LRRC7: variants seen among roughly 807,000 people sequenced by gnomAD.
LRRC7 encodes leucine rich repeat containing 7, also known as leucine-rich repeat-containing protein 7.
Under a neutral mutation model 175.7 loss-of-function variants are expected in LRRC7, and 23 were observed. The ratio of observed to expected loss-of-function variants is 0.13; its 90% CI spans 0.09 to 0.19. The LOEUF is 0.19. Ranked by LOEUF, LRRC7 falls within the 10% of genes least tolerant of loss-of-function variation. The pLI is 1.00. For synonymous variants in LRRC7, 685 were observed against 680.9 expected (o/e 1.01, Z -0.09); for missense variants, 1,354 against 1,904.7 (o/e 0.71, Z 5.38).
chr1:69,690,476 A>C (rs2100653546), intron 2 of LRRC7, among the ~76,000 whole-genome samples: 1 of 152,358 alleles, frequency 6.6e-6, no homozygotes, highest in South Asian at 2.1e-4. Context: ...CATATTTTTG[A>C]CAAAGGTTAG....
At chr1:69,617,547 TAAAAAAAAAAA>T (rs11473590) in intron 1 of LRRC7, among the ~76,000 whole-genome samples, 2 of 62,008 alleles carry the variant, frequency 3.2e-5, no homozygotes, top group South Asian at 7.6e-4. Context: ...ATACTCACAG[TAAAAAAAAAAA>T]AAAAAAAAAA....
chr1:69,914,820 T>G (rs999290585), intron 7 of LRRC7, among the ~76,000 whole-genome samples: 1 of 152,136 alleles, frequency 6.6e-6, no homozygotes, highest in African/African-American at 2.4e-5. Flanking sequence ...TCGTGTAATA[T>G]AACAATGGTA....
intron 4 of LRRC7, among the ~76,000 whole-genome samples, chr1:69,796,855 G>A (rs1343101435): frequency 6.6e-6 from 1 of 151,610 alleles, no homozygotes; most frequent in South Asian, 2.1e-4. Flanking sequence ...ATTTACTCTA[G>A]GAAACTTCCC....
chr1:69,917,650 C>T (rs1646761639), intron 7 of LRRC7, among the ~76,000 whole-genome samples: 1 of 152,018 alleles, frequency 6.6e-6, no homozygotes, highest in African/African-American at 2.4e-5. Flanking sequence ...AAGATAGTCC[C>T]CCACAACAAA....
intron 13 of LRRC7, among the ~76,000 whole-genome samples, chr1:70,015,196 C>T (rs1349105155): frequency 2.0e-5 from 3 of 151,772 alleles, no homozygotes; most frequent in Non-Finnish European, 4.4e-5. Context: ...ATCAGTTATT[C>T]TTTATATTCA....
chr1:69,919,397 G>C, intron 7 of LRRC7: 1 of 666,856 alleles, frequency 1.5e-6, no homozygotes, highest in Non-Finnish European at 2.6e-6. Context: ...TGGGAAAAGC[G>C]CATGAGCCGC....
intron 7 of LRRC7, among the ~76,000 whole-genome samples, chr1:69,882,091 A>G (rs1686678959): frequency 6.6e-6 from 1 of 152,038 alleles, no homozygotes; most frequent in African/African-American, 2.4e-5. Context: ...CATTTTTCCA[A>G]AGAAGACTTA....
chr1:69,937,153 G>A (rs1211563446), intron 8 of LRRC7, among the ~76,000 whole-genome samples: 1 of 151,932 alleles, frequency 6.6e-6, no homozygotes, highest in Non-Finnish European at 1.5e-5. Context: ...TTGTTTTCTT[G>A]CACCTCAATT....
At chr1:70,111,958 T>C (rs1003519249) in intron 26 of LRRC7, among the ~76,000 whole-genome samples, 1 of 152,202 alleles carries the variant, frequency 6.6e-6, no homozygotes, top group Non-Finnish European at 1.5e-5. Context: ...AGGTACTTAA[T>C]TGAAGATAAT....
chr1:70,046,858 C>A (rs1375993727), intron 22 of LRRC7, among the ~76,000 whole-genome samples: 1 of 152,088 alleles, frequency 6.6e-6, no homozygotes, highest in South Asian at 2.1e-4. Context: ...GAGTCAAACT[C>A]TCTTTAAAAT....
At chr1:69,662,184 A>G (rs1260684657) in intron 1 of LRRC7, among the ~76,000 whole-genome samples, 3 of 152,200 alleles carry the variant, frequency 2.0e-5, no homozygotes, top group Non-Finnish European at 4.4e-5. Context: ...AGGATAAATA[A>G]TATATGTAAA....
chr1:69,925,675 T>C (rs12144031), intron 7 of LRRC7, among the ~76,000 whole-genome samples: 62 of 152,204 alleles, frequency 4.1e-4, no homozygotes, highest in Non-Finnish European at 7.5e-4. Flanking sequence ...TTGCGTCTAT[T>C]TGATTCTTCT....
At chr1:69,856,766 G>A (rs1238591628) in intron 7 of LRRC7, among the ~76,000 whole-genome samples, 3 of 152,070 alleles carry the variant, frequency 2.0e-5, no homozygotes, top group Non-Finnish European at 4.4e-5. Context: ...CGTTTTATGA[G>A]GCCAGCATCA....
chr1:69,573,471 T>G (rs1645820201), intron 1 of LRRC7, among the ~76,000 whole-genome samples: 1 of 152,164 alleles, frequency 6.6e-6, no homozygotes, highest in African/African-American at 2.4e-5. Flanking sequence ...CTTATTATCT[T>G]GGAATAATTC....
chr1:69,961,065 T>A (rs186129892), intron 8 of LRRC7, among the ~76,000 whole-genome samples: 7 of 152,242 alleles, frequency 4.6e-5, no homozygotes, highest in Non-Finnish European at 8.8e-5. Context: ...GATGACATGA[T>A]CCTATATCTA....
At chr1:69,998,698 G>C (rs893010554) in intron 11 of LRRC7, among the ~76,000 whole-genome samples, 2 of 152,076 alleles carry the variant, frequency 1.3e-5, no homozygotes, top group Non-Finnish European at 2.9e-5. Flanking sequence ...AACTACCCTG[G>C]CTCTTTGAAG....
At chr1:69,803,982 TTTGGTTTGTTTA>T (rs1676822747) in intron 4 of LRRC7, among the ~76,000 whole-genome samples, 1 of 151,360 alleles carries the variant, frequency 6.6e-6, no homozygotes. Context: ...TTTTCTATTA[TTTGGTTTGTTTA>T]TTGGTTTGTT....
intron 18 of LRRC7, among the ~76,000 whole-genome samples, chr1:70,030,949 C>T (rs75828007): frequency 0.091 from 13,767 of 152,082 alleles, 694 homozygotes; most frequent in Middle Eastern, 0.14. Flanking sequence ...ATGCCTTGTG[C>T]AGTTTGCATT....
At chr1:69,931,417 G>T (rs894517867) in intron 7 of LRRC7, 90 bp from the exon 8 acceptor site, 5 of 1,002,196 alleles carry the variant, frequency 5.0e-6, no homozygotes, top group Middle Eastern at 4.0e-4. Context: ...TACGCAATCA[G>T]GTAAATCTGA....
Sources: gnomAD v4.1 joint callset for allele counts (sites outside exome capture counted in the v4.1 genomes callset) on GRCh38, gnomAD v4.1.1 for gene constraint, MANE v1.5 for transcripts, NCBI Gene and HGNC (gene_info 2026-07-23, HGNC 2026-07-21) for gene names.